The following TASP1 variants were observed in gnomAD, a reference collection of about 807,000 sequenced individuals.
TASP1 encodes threonine aspartase 1.
Under a neutral mutation model 56.6 loss-of-function variants are expected in TASP1, and 16 were observed. The observed-to-expected ratio is 0.28, with a 90% CI of 0.19 to 0.43. TASP1 has a LOEUF of 0.43. TASP1 is among the 20% of genes least tolerant of loss of function. The probability of loss-of-function intolerance (pLI) is 1.00; values close to 1 mark genes in which losing one functional copy is unlikely to be tolerated. For missense variants in TASP1, 393 were observed against 511.6 expected (o/e 0.77, Z 2.24); for synonymous variants, 179 against 184.2 (o/e 0.97, Z 0.23).
At chr20:13,533,628 A>G (rs1003717071) in intron 9 of TASP1, among the ~76,000 whole-genome samples, 7 of 152,206 alleles carry the variant, frequency 4.6e-5, no homozygotes, top group African/African-American at 1.4e-4. Flanking sequence ...GAAATAAAAA[A>G]TGTAACTCTA....
chr20:13,489,480 T>G (rs1231202483), intron 10 of TASP1, among the ~76,000 whole-genome samples: 1 of 150,906 alleles, frequency 6.6e-6, no homozygotes, highest in Non-Finnish European at 1.5e-5. Flanking sequence ...GTGACATGCA[T>G]GAGCATCAAG....
At chr20:13,299,228 C>T in the TASP1 span, 2 of 1,600,772 alleles carry the variant, frequency 1.2e-6, no homozygotes, top group Non-Finnish European at 8.5e-7. This position sits in a 1 kb window ranked among gnomAD's most constrained non-coding sequence, Gnocchi z 5.8. Context: ...GCTGCTACGG[C>T]GACAACATGC....
At chr20:13,105,375 A>T in the TASP1 span, among the ~76,000 whole-genome samples, 1 of 152,168 alleles carries the variant, frequency 6.6e-6, no homozygotes, top group African/African-American at 2.4e-5. Context: ...ATCTCCATTC[A>T]AGTCAAACAC....
intron 13 of TASP1, among the ~76,000 whole-genome samples, chr20:13,401,198 A>C (rs75232674): frequency 0.01 from 1,577 of 152,284 alleles, 27 homozygotes; most frequent in African/African-American, 0.036. Flanking sequence ...TTTAACATAA[A>C]ATTTTAAATG....
intron 7 of TASP1, 67 bp downstream of exon 7, chr20:13,569,440 C>G: frequency 4.8e-6 from 6 of 1,261,456 alleles, no homozygotes; most frequent in Non-Finnish European, 6.8e-6. Flanking sequence ...TGGGTCATAA[C>G]AGAAGCAATA....
chr20:13,374,553 T>A, the TASP1 span, among the ~76,000 whole-genome samples: 1 of 152,122 alleles, frequency 6.6e-6, no homozygotes, highest in Non-Finnish European at 1.5e-5. Context: ...TTTCACCGTG[T>A]TAGCCAGGAT....
downstream of TASP1, among the ~76,000 whole-genome samples, chr20:13,387,613 G>A (rs1427989082): frequency 6.6e-6 from 1 of 152,174 alleles, no homozygotes; most frequent in Non-Finnish European, 1.5e-5. Context: ...GAATAGTGCT[G>A]CAGTAAACAT....
At chr20:13,186,325 C>T in the TASP1 span, among the ~76,000 whole-genome samples, 19 of 152,288 alleles carry the variant, frequency 1.2e-4, no homozygotes, top group African/African-American at 3.4e-4. Flanking sequence ...TTGCCAGAGC[C>T]GTATTCTTTC....
chr20:13,155,685 G>T, the TASP1 span, among the ~76,000 whole-genome samples: 1 of 151,742 alleles, frequency 6.6e-6, no homozygotes, highest in Non-Finnish European at 1.5e-5. Flanking sequence ...AACTAGCCGG[G>T]CGTGGTGGTG....
chr20:13,174,093 C>A, the TASP1 span, among the ~76,000 whole-genome samples: 6 of 152,164 alleles, frequency 3.9e-5, no homozygotes, highest in East Asian at 1.9e-4. Context: ...TTCATTTCCA[C>A]GTCCAGCCTT....
chr20:13,550,466 A>AT (rs1483437648), intron 8 of TASP1, among the ~76,000 whole-genome samples: 1 of 152,050 alleles, frequency 6.6e-6, no homozygotes, highest in Non-Finnish European at 1.5e-5. Flanking sequence ...AATTTTCAGT[A>AT]TATTACCTAC....
chr20:13,423,165 T>C (rs966376845), intron 12 of TASP1, among the ~76,000 whole-genome samples: 1 of 152,170 alleles, frequency 6.6e-6, no homozygotes, highest in Non-Finnish European at 1.5e-5. Flanking sequence ...TACAATGAAA[T>C]ACTATGTAAC....
At chr20:13,305,769 C>T in the TASP1 span, among the ~76,000 whole-genome samples, 8,946 of 152,184 alleles carry the variant, frequency 0.059, 330 homozygotes, top group Admixed American at 0.093. Context: ...TTTTAAGGAA[C>T]GAATTTATGA....
intron 8 of TASP1, among the ~76,000 whole-genome samples, chr20:13,552,158 A>G (rs1183140077): frequency 2.0e-5 from 3 of 152,180 alleles, no homozygotes; most frequent in Middle Eastern, 3.2e-3. Flanking sequence ...TCAAATTTCA[A>G]TTACCATGGT....
the TASP1 span, among the ~76,000 whole-genome samples, chr20:13,291,229 C>A: frequency 2.6e-5 from 4 of 152,152 alleles, no homozygotes; most frequent in African/African-American, 2.4e-5. Context: ...GTGTCCTCAC[C>A]CTCCTTGCAT....
At chr20:13,531,393 A>G (rs1211791961) in intron 9 of TASP1, among the ~76,000 whole-genome samples, 1 of 152,098 alleles carries the variant, frequency 6.6e-6, no homozygotes, top group Non-Finnish European at 1.5e-5. Context: ...ATGAAATATA[A>G]TAATTCCTTT....
intron 10 of TASP1, among the ~76,000 whole-genome samples, chr20:13,521,239 A>G (rs1337963034): frequency 2.0e-5 from 3 of 152,298 alleles, no homozygotes; most frequent in Non-Finnish European, 2.9e-5. Flanking sequence ...ATCTAGAACT[A>G]GAAATACCAT....
intron 10 of TASP1, among the ~76,000 whole-genome samples, chr20:13,502,848 G>A (rs542287380): frequency 6.6e-6 from 1 of 152,134 alleles, no homozygotes; most frequent in East Asian, 1.9e-4. Context: ...CACACAGTTG[G>A]AGCACAAGAT....
At chr20:13,576,029 C>G (rs1222420695) in intron 6 of TASP1, among the ~76,000 whole-genome samples, 1 of 151,698 alleles carries the variant, frequency 6.6e-6, no homozygotes. Flanking sequence ...CTGGCCAACC[C>G]CTCCTCTACT....
Sources: gnomAD v4.1 joint callset for allele counts (sites outside exome capture counted in the v4.1 genomes callset) on GRCh38, gnomAD v4.1.1 for gene constraint, Gnocchi (gnomAD v3.1) non-coding constraint, MANE v1.5 for transcripts, NCBI Gene and HGNC (gene_info 2026-07-23, HGNC 2026-07-21) for gene names.